The following VEPH1 variants were observed in gnomAD, a reference collection of about 807,000 sequenced individuals.
VEPH1 encodes the protein ventricular zone-expressed PH domain-containing protein homolog 1.
Under a neutral mutation model 85.2 loss-of-function variants are expected in VEPH1, and 80 were observed. That is an observed-to-expected ratio of 0.94 (90% CI 0.78 to 1.13). VEPH1 has a LOEUF of 1.13. VEPH1 is among the 50% of genes most tolerant of loss of function. VEPH1 has a pLI of 0.00. For synonymous variants in VEPH1, 297 were observed against 348.0 expected (o/e 0.85, Z 1.63); for missense variants, 955 against 980.5 (o/e 0.97, Z 0.35).
chr3:157,367,485 T>A (rs967638878), intron 7 of VEPH1, among the ~76,000 whole-genome samples: 1 of 152,216 alleles, frequency 6.6e-6, no homozygotes, highest in African/African-American at 2.4e-5. Context: ...CCACATTAGT[T>A]CATGTATAGT....
Position 157,398,194 on chromosome 3 carries a change from A to G in VEPH1, c.906+15687T>C, listed in dbSNP as rs1577563875. On this transcript the variant is annotated intron_variant, in intron 6 of 13. Coordinates refer to ENST00000362010, the MANE Select transcript of VEPH1 (RefSeq NM_001167912.2). ...CATACCACTTCTCTTTGATGATGGA[A>G]TACTGCAGTGCACACCCAATTTTGT... 3.3e-5 allele frequency among the ~76,000 whole-genome samples: 5 copies of G among 152,320 alleles called. No individual in the cohort carries two copies. In the South Asian group the frequency reaches 1.0e-3, roughly 32 times the overall value.
intron 11 of VEPH1, among the ~76,000 whole-genome samples, chr3:157,292,325 T>A (rs1717579290): frequency 6.6e-6 from 1 of 152,206 alleles, no homozygotes; most frequent in African/African-American, 2.4e-5. Context: ...GATGGCTGAT[T>A]TGTGTCCACT....
chr3:157,450,450 T>C (rs1734883565), intron 4 of VEPH1, among the ~76,000 whole-genome samples: 1 of 152,056 alleles, frequency 6.6e-6, no homozygotes, highest in African/African-American at 2.4e-5. Flanking sequence ...CTTTCATTTA[T>C]TTTTCTTGTC....
intron 5 of VEPH1, among the ~76,000 whole-genome samples, chr3:157,417,216 A>G (rs1391966676): frequency 6.6e-6 from 1 of 152,100 alleles, no homozygotes; most frequent in Admixed American, 6.6e-5. Context: ...AAGGAATTTT[A>G]TTTTCCAAAC....
At chr3:157,447,899 T>A (rs897954482) in intron 4 of VEPH1, among the ~76,000 whole-genome samples, 3 of 152,084 alleles carry the variant, frequency 2.0e-5, no homozygotes, top group African/African-American at 7.2e-5. Context: ...CTAGCCTGCC[T>A]CCAGTCTTTT....
chr3:157,455,313 T>C (rs1250443593), intron 4 of VEPH1, among the ~76,000 whole-genome samples: 1 of 152,168 alleles, frequency 6.6e-6, no homozygotes, highest in Admixed American at 6.6e-5. Flanking sequence ...GGTACCTCAT[T>C]GTGATTTTGA....
At chr3:157,481,474 A>C (rs1267791712) in intron 2 of VEPH1, among the ~76,000 whole-genome samples, 1,511 of 144,168 alleles carry the variant, frequency 0.01, 33 homozygotes, top group African/African-American at 0.039. Flanking sequence ...ACAAAAAAAA[A>C]AAAAAAAAAA....
chr3:157,444,366 C>T (rs922349084), intron 4 of VEPH1, among the ~76,000 whole-genome samples: 1 of 152,244 alleles, frequency 6.6e-6, no homozygotes, highest in African/African-American at 2.4e-5. Context: ...GGTGATTGGA[C>T]TCAGTGCCTT....
At chr3:157,411,556 G>A (rs1468879936) in intron 6 of VEPH1, among the ~76,000 whole-genome samples, 1 of 152,044 alleles carries the variant, frequency 6.6e-6, no homozygotes, top group Non-Finnish European at 1.5e-5. Context: ...CAGACTTCTG[G>A]TACTCTTTTC....
chr3:157,288,035 T>C (rs529151372), intron 11 of VEPH1, among the ~76,000 whole-genome samples: 34 of 152,288 alleles, frequency 2.2e-4, no homozygotes, highest in African/African-American at 7.9e-4. Flanking sequence ...GGCAGAGAGG[T>C]TCTGTTAGAC....
At chr3:157,343,094 A>G (rs1012023788) in intron 9 of VEPH1, among the ~76,000 whole-genome samples, 15 of 152,316 alleles carry the variant, frequency 9.8e-5, no homozygotes, top group African/African-American at 3.6e-4. Flanking sequence ...TAAAATTGAC[A>G]CCCTAACATC....
At chr3:157,389,159 T>G (rs916651061) in intron 6 of VEPH1, among the ~76,000 whole-genome samples, 2 of 152,216 alleles carry the variant, frequency 1.3e-5, no homozygotes, top group African/African-American at 4.8e-5. Flanking sequence ...TATATACTGT[T>G]GATTCATTAA....
intron 12 of VEPH1, among the ~76,000 whole-genome samples, chr3:157,278,519 G>A (rs1715688236): frequency 6.6e-6 from 1 of 152,216 alleles, no homozygotes; most frequent in Admixed American, 6.5e-5. Context: ...GCTATGGGAA[G>A]CTACCTAAGA....
chr3:157,409,703 G>T (rs1272812940), intron 6 of VEPH1: 7 of 985,262 alleles, frequency 7.1e-6, no homozygotes, highest in Non-Finnish European at 8.4e-6. Flanking sequence ...GCACTCATTT[G>T]AAAGACAGGC....
chr3:157,359,528 A>G (rs1248165702), intron 9 of VEPH1, among the ~76,000 whole-genome samples: 3 of 152,238 alleles, frequency 2.0e-5, no homozygotes, highest in Non-Finnish European at 2.9e-5. Context: ...CCCAAACTTA[A>G]TAAGACCTGG....
At chr3:157,488,490 ACTTT>A (rs1201485570) in intron 2 of VEPH1, among the ~76,000 whole-genome samples, 64 of 145,464 alleles carry the variant, frequency 4.4e-4, no homozygotes, top group South Asian at 6.4e-4. Context: ...TGATTTTCTG[ACTTT>A]CTTTCTTTCT....
intron 9 of VEPH1, among the ~76,000 whole-genome samples, chr3:157,327,751 CTG>C: frequency 6.6e-6 from 1 of 152,268 alleles, no homozygotes; most frequent in South Asian, 2.1e-4. Flanking sequence ...TATATGAAAA[CTG>C]TTAAAAACTT....
At position 157,444,005 on chromosome 3, in the gene VEPH1, T is replaced by A. The variant is rs984092154; in HGVS notation, c.530-15517A>T. Among the ~76,000 whole-genome samples the A allele has an allele frequency of 7.9e-5, 12 of 152,204 alleles. 1 individual carries two copies. The highest frequency in any genetic ancestry group is 3.3e-4 in the Admixed American group (5 of 15,280). On this transcript the variant is annotated intron_variant, in intron 4 of 13. Coordinates refer to ENST00000362010, the MANE Select transcript of VEPH1 (RefSeq NM_001167912.2). The stretch of plus-strand genomic sequence containing the variant: ...GCTTAGGAATGTTATTTGGGAGACC[T>A]AAGAATCTGGAAAAGAACTCCTGCC...
At chr3:157,266,359 T>C (rs763654247) in intron 12 of VEPH1, among the ~76,000 whole-genome samples, 7 of 152,056 alleles carry the variant, frequency 4.6e-5, no homozygotes, top group Non-Finnish European at 1.0e-4. Flanking sequence ...TCACTTCACA[T>C]TTCAACTTAA....
Sources: gnomAD v4.1 joint callset for allele counts (sites outside exome capture counted in the v4.1 genomes callset) on GRCh38, gnomAD v4.1.1 for gene constraint, MANE v1.5 for transcripts, NCBI Gene and HGNC (gene_info 2026-07-23, HGNC 2026-07-21) for gene names.